Variants in GGT5 observed in about 807,000 individuals in gnomAD.
The protein encoded by GGT5 is gamma-glutamyltransferase 5, also known as glutathione hydrolase 5 proenzyme.
A neutral mutation model predicts 58.1 loss-of-function variants in GGT5; 50 were observed. That is an observed-to-expected ratio of 0.86 (90% CI 0.69 to 1.09). The LOEUF (loss-of-function observed/expected upper bound fraction) is 1.09, where lower values mean the gene tolerates loss of function less well. Among genes scored for constraint, GGT5 ranks in the 50% least tolerant of loss-of-function variants. GGT5 has a pLI of 0.00. For synonymous variants in GGT5, 370 were observed against 346.1 expected (o/e 1.07, Z -0.77); for missense variants, 800 against 789.4 (o/e 1.01, Z -0.16).
At chr22:24,240,679 C>CT (rs1410011640) in intron 1 of GGT5, among the ~76,000 whole-genome samples, 1 of 152,004 alleles carries the variant, frequency 6.6e-6, no homozygotes, top group Non-Finnish European at 1.5e-5. Context: ...AATTTTTGTA[C>CT]TTTTTGTCTC....
At chr22:24,233,847 C>T in intron 2 of GGT5, 27 bp downstream of exon 2, 1 of 1,604,858 alleles carries the variant, frequency 6.2e-7, no homozygotes, top group South Asian at 1.1e-5. Context: ...GCCCATCTTC[C>T]CCATGGCAGT....
At chr22:24,226,357 C>G in intron 7 of GGT5, 91 bp from the exon 8 acceptor site, 1 of 995,998 alleles carries the variant, frequency 1.0e-6, no homozygotes, top group Non-Finnish European at 1.5e-6. Flanking sequence ...CCATGGGGGC[C>G]ACCTCCAGTC....
intron 11 of GGT5, among the ~76,000 whole-genome samples, chr22:24,221,277 G>A: frequency 1.3e-5 from 2 of 152,110 alleles, no homozygotes; most frequent in Non-Finnish European, 2.9e-5. Flanking sequence ...TTAGCCACAA[G>A]ATTAGAAATT....
chr22:24,223,650 A>G (rs1315295399), intron 11 of GGT5, among the ~76,000 whole-genome samples: 1 of 151,632 alleles, frequency 6.6e-6, no homozygotes, highest in Non-Finnish European at 1.5e-5. Context: ...GACTAAGGCC[A>G]TGGTTCTCAG....
intron 11 of GGT5, among the ~76,000 whole-genome samples, chr22:24,220,323 T>C (rs530916487): frequency 1.3e-5 from 2 of 152,290 alleles, no homozygotes; most frequent in South Asian, 2.1e-4. Context: ...CCAGGGACTA[T>C]GTACGAAGGA....
intron 1 of GGT5, among the ~76,000 whole-genome samples, chr22:24,238,247 A>T (rs902970704): frequency 6.9e-6 from 1 of 145,310 alleles, no homozygotes; most frequent in African/African-American, 2.6e-5. Flanking sequence ...AAAAAAAAAA[A>T]GGCCAGGCGC....
intron 5 of GGT5, among the ~76,000 whole-genome samples, 166 bp downstream of exon 5, chr22:24,231,885 C>T (rs375795383): frequency 1.3e-5 from 2 of 152,118 alleles, no homozygotes; most frequent in Non-Finnish European, 2.9e-5. Flanking sequence ...GGTCCTGGAC[C>T]ACAGGGGTCC....
chr22:24,231,918 A>T, intron 5 of GGT5, 133 bp downstream of exon 5: 2 of 738,422 alleles, frequency 2.7e-6, no homozygotes, highest in Non-Finnish European at 4.5e-6. Flanking sequence ...AGCTAGGTGC[A>T]TGGCCTCTCG....
chr22:24,232,713 G>T, intron 4 of GGT5, 110 bp downstream of exon 4: 1 of 680,106 alleles, frequency 1.5e-6, no homozygotes, highest in African/African-American at 1.9e-5. Context: ...AGCACCCCGA[G>T]GGTCAATCCT....
intron 11 of GGT5, chr22:24,220,631 A>G (rs1020244821): frequency 2.2e-6 from 1 of 454,528 alleles, no homozygotes; most frequent in African/African-American, 2.0e-5. Flanking sequence ...GCGTGGTGGC[A>G]CATACCTACA....
intron 1 of GGT5, among the ~76,000 whole-genome samples, chr22:24,234,248 C>T (rs921185739): frequency 1.3e-5 from 2 of 152,218 alleles, no homozygotes; most frequent in Non-Finnish European, 2.9e-5. Flanking sequence ...ATACAAGGTG[C>T]TTCTCAGTTT....
chr22:24,238,228 CAAAAA>C (rs556769286), intron 1 of GGT5, among the ~76,000 whole-genome samples: 3 of 42,620 alleles, frequency 7.0e-5, no homozygotes, highest in African/African-American at 9.1e-5. Context: ...GGCTCCGTCT[CAAAAA>C]AAAAAAAAAA....
chr22:24,234,239 T>C (rs1282953311), intron 1 of GGT5, among the ~76,000 whole-genome samples: 1 of 152,220 alleles, frequency 6.6e-6, no homozygotes, highest in African/African-American at 2.4e-5. Flanking sequence ...CTTTGCCATA[T>C]ACAAGGTGCT....
At chr22:24,224,943 G>C in intron 11 of GGT5, 53 bp downstream of exon 11, 1 of 1,220,008 alleles carries the variant, frequency 8.2e-7, no homozygotes. Flanking sequence ...TGAGCAGCAC[G>C]GATTTGGGGA....
intron 4 of GGT5, 95 bp downstream of exon 4, chr22:24,232,728 T>C: frequency 1.2e-6 from 1 of 820,978 alleles, no homozygotes; most frequent in Non-Finnish European, 1.8e-6. Flanking sequence ...AATCCTCCAG[T>C]GTAAGAGGGA....
At chr22:24,237,549 C>T (rs1221481547) in intron 1 of GGT5, among the ~76,000 whole-genome samples, 3 of 152,084 alleles carry the variant, frequency 2.0e-5, no homozygotes, top group Non-Finnish European at 4.4e-5. Flanking sequence ...GCTGGGATTA[C>T]AGCCACCAGC....
intron 11 of GGT5, among the ~76,000 whole-genome samples, chr22:24,222,513 T>C (rs7285631): frequency 0.012 from 1,838 of 152,240 alleles, 49 homozygotes; most frequent in African/African-American, 0.042. Context: ...AAGACTCTCC[T>C]CGCCCTAGTC....
chr22:24,219,978 C>T lies in GGT5; in HGVS notation c.1753G>A (p.Gly585Ser). Reference sequence around the variant, plus strand: ...CTGGGCAGAGCAGTGTCTTAGTAGCCTGCGGCCTCCCCACTCTTCCTCAGG... The same window carrying T: ...CTGGGCAGAGCAGTGTCTTAGTAGCTTGCGGCCTCCCCACTCTTCCTCAGG... ...SDLRKSGEAAGY is the reference protein window; with the variant it reads ...SDLRKSGEAASY Residue 585 changes from glycine (G) to serine (S), a missense_variant, in exon 12 of 12, where the codon GGC (glycine) becomes AGC (serine). Coordinates refer to ENST00000327365, the MANE Select transcript of GGT5 (RefSeq NM_004121.5). 6.2e-7 allele frequency: 1 copy of T among 1,614,078 alleles called. No homozygotes were observed.
intron 6 of GGT5, among the ~76,000 whole-genome samples, chr22:24,227,249 C>T (rs1024473654): frequency 6.6e-6 from 1 of 151,092 alleles, no homozygotes; most frequent in Non-Finnish European, 1.5e-5. Context: ...CATGCCCCGC[C>T]TTTTTTGTGT....
Sources: allele counts gnomAD v4.1 joint callset (sites outside exome capture counted in the v4.1 genomes callset), GRCh38; gene constraint gnomAD v4.1.1; transcripts MANE v1.5; gene names NCBI Gene and HGNC (gene_info 2026-07-23, HGNC 2026-07-21).